The following AGBL4 variants were observed in gnomAD, a reference collection of about 807,000 sequenced individuals.
AGBL4 encodes the protein AGBL carboxypeptidase 4.
Under a neutral mutation model 66.4 loss-of-function variants are expected in AGBL4, and 58 were observed. That is an observed-to-expected ratio of 0.87 (90% CI 0.71 to 1.09). The LOEUF (loss-of-function observed/expected upper bound fraction) is 1.09. Among genes scored for constraint, AGBL4 ranks in the 50% least tolerant of loss-of-function variants. AGBL4 has a pLI of 0.00. For missense variants in AGBL4, 579 were observed against 631.0 expected (o/e 0.92, Z 0.88); for synonymous variants, 234 against 222.9 (o/e 1.05, Z -0.44).
chr1:49,966,334 T>C (rs1043312451), intron 1 of AGBL4, among the ~76,000 whole-genome samples: 10 of 152,236 alleles, frequency 6.6e-5, no homozygotes, highest in Admixed American at 3.9e-4. Flanking sequence ...TTACTTGACA[T>C]AAAATTGTAT....
rs78652184 is a variant in AGBL4 at position 48,547,024 on chromosome 1, G to A, written c.1268-7286C>T. 6.6e-4 allele frequency among the ~76,000 whole-genome samples: 100 copies of A among 152,116 alleles called. 2 individuals are homozygous for A. In the East Asian group the frequency reaches 0.017, roughly 26 times the overall value. On this transcript the variant is annotated intron_variant, in intron 11 of 13. Coordinates refer to ENST00000371839, the MANE Select transcript of AGBL4 (RefSeq NM_032785.4). Reference sequence around the variant, plus strand: ...ACTGAGAGTGAGCAGTGACTGCAGCGGTACCTAAGAAGAGGGAAGGGTGTC... The same window carrying A: ...ACTGAGAGTGAGCAGTGACTGCAGCAGTACCTAAGAAGAGGGAAGGGTGTC...
chr1:48,770,807 T>C (rs1231058707), intron 6 of AGBL4, among the ~76,000 whole-genome samples: 1 of 152,130 alleles, frequency 6.6e-6, no homozygotes, highest in African/African-American at 2.4e-5. Context: ...AGTTACTAAG[T>C]CCCATGAATT....
chr1:49,383,803 A>ATT (rs66756545), intron 3 of AGBL4, among the ~76,000 whole-genome samples: 12 of 144,594 alleles, frequency 8.3e-5, no homozygotes, highest in African/African-American at 3.2e-4. Context: ...ATATATATAT[A>ATT]TTTTTTTTTT....
At chr1:49,203,088 C>CAAAAAA (rs139732827) in intron 4 of AGBL4, among the ~76,000 whole-genome samples, 12 of 135,830 alleles carry the variant, frequency 8.8e-5, no homozygotes, top group Non-Finnish European at 9.4e-5. Flanking sequence ...TGGCTACTAT[C>CAAAAAA]AAAAAAAAAA....
At chr1:49,639,280 T>C (rs1234329292) in intron 3 of AGBL4, among the ~76,000 whole-genome samples, 1 of 152,142 alleles carries the variant, frequency 6.6e-6, no homozygotes, top group African/African-American at 2.4e-5. Context: ...GAAGACAATA[T>C]AAACTTGGAA....
chr1:49,935,984 G>T (rs1001736817), intron 1 of AGBL4, among the ~76,000 whole-genome samples: 1 of 152,218 alleles, frequency 6.6e-6, no homozygotes, highest in African/African-American at 2.4e-5. Flanking sequence ...AACGCTGGAG[G>T]GAGAATGACT....
rs545020367 is a variant in AGBL4, at chr1:48,581,646, G to A, written c.1267+5358C>T. Among the ~76,000 whole-genome samples, 14 of 152,278 alleles carry A rather than the reference G, an allele frequency of 9.2e-5. No homozygotes were observed. In the East Asian group the frequency reaches 9.6e-4, roughly 10 times the overall value. On this transcript the variant is annotated intron_variant, in intron 11 of 13. Coordinates refer to ENST00000371839, the MANE Select transcript of AGBL4 (RefSeq NM_032785.4). ...TTTCCTGAAGAATGGTTCAAAATTC[G>A]TAGGAATTTATCATTTCACAAAAAC...
At chr1:49,385,230 T>C (rs1018593504) in intron 3 of AGBL4, among the ~76,000 whole-genome samples, 1 of 152,162 alleles carries the variant, frequency 6.6e-6, no homozygotes, top group Non-Finnish European at 1.5e-5. Flanking sequence ...TGCACAACAA[T>C]GATCATACAG....
chr1:49,786,881 T>C (rs1644467096), intron 2 of AGBL4, among the ~76,000 whole-genome samples: 1 of 152,220 alleles, frequency 6.6e-6, no homozygotes, highest in Non-Finnish European at 1.5e-5. Flanking sequence ...CTTTCTACAT[T>C]ACTGCAGTGG....
chr1:49,426,839 G>A (rs1011125395), intron 3 of AGBL4, among the ~76,000 whole-genome samples: 13 of 152,168 alleles, frequency 8.5e-5, no homozygotes, highest in Non-Finnish European at 1.5e-4. Flanking sequence ...CTGAGAAGAC[G>A]TCATGCTACA....
At chr1:49,299,548 T>C (rs1209367525) in intron 3 of AGBL4, among the ~76,000 whole-genome samples, 1 of 152,216 alleles carries the variant, frequency 6.6e-6, no homozygotes, top group Non-Finnish European at 1.5e-5. Context: ...ATTACTTTAG[T>C]TCACATAGTA....
At chr1:49,359,655 A>G (rs1330004389) in intron 3 of AGBL4, among the ~76,000 whole-genome samples, 1 of 152,164 alleles carries the variant, frequency 6.6e-6, no homozygotes, top group Non-Finnish European at 1.5e-5. Context: ...AGAACACTGT[A>G]GGCAAAAGCT....
At chr1:48,765,467 G>C (rs1644484192) in intron 6 of AGBL4, among the ~76,000 whole-genome samples, 1 of 152,130 alleles carries the variant, frequency 6.6e-6, no homozygotes, top group African/African-American at 2.4e-5. Context: ...ATTCCTGCTG[G>C]GTATTGTAGA....
At chr1:49,850,242 A>G (rs1050610461) in intron 2 of AGBL4, among the ~76,000 whole-genome samples, 14 of 152,204 alleles carry the variant, frequency 9.2e-5, no homozygotes, top group African/African-American at 3.1e-4. Context: ...GGAGAACACC[A>G]TGTACAGATG....
intron 3 of AGBL4, among the ~76,000 whole-genome samples, chr1:49,689,408 C>A (rs573988125): frequency 1.3e-5 from 2 of 152,054 alleles, no homozygotes; most frequent in Non-Finnish European, 2.9e-5. Flanking sequence ...TTTCTGAGTT[C>A]TCTATTCTGT....
At chr1:48,599,353 A>C (rs1645042641) in intron 9 of AGBL4, among the ~76,000 whole-genome samples, 1 of 152,240 alleles carries the variant, frequency 6.6e-6, no homozygotes, top group African/African-American at 2.4e-5. Context: ...CCACCTTTGT[A>C]TATGACTGGC....
chr1:48,660,071 T>C (rs1646083060), intron 7 of AGBL4, among the ~76,000 whole-genome samples: 1 of 152,260 alleles, frequency 6.6e-6, no homozygotes, highest in Non-Finnish European at 1.5e-5. Context: ...CTCACATGGC[T>C]GGCCACAGGG....
intron 1 of AGBL4, among the ~76,000 whole-genome samples, chr1:49,926,685 T>C (rs1652812950): frequency 6.6e-6 from 1 of 152,118 alleles, no homozygotes; most frequent in African/African-American, 2.4e-5. Context: ...TTATTAAGTT[T>C]AACAAAGAGA....
intron 3 of AGBL4, among the ~76,000 whole-genome samples, chr1:49,447,633 T>A (rs938689808): frequency 6.6e-6 from 1 of 152,170 alleles, no homozygotes; most frequent in African/African-American, 2.4e-5. Flanking sequence ...TTACCACCCA[T>A]GCTAGTGTCA....
Sources: gnomAD v4.1 joint callset for allele counts (sites outside exome capture counted in the v4.1 genomes callset) on GRCh38, gnomAD v4.1.1 for gene constraint, MANE v1.5 for transcripts, NCBI Gene and HGNC (gene_info 2026-07-23, HGNC 2026-07-21) for gene names.